Variants in CNTNAP4 observed in about 807,000 individuals in gnomAD.
CNTNAP4 encodes contactin-associated protein-like 4.
In CNTNAP4, 98 loss-of-function variants were observed where a neutral mutation model predicts 148.4. That is an observed-to-expected ratio of 0.66 (90% CI 0.56 to 0.78). The LOEUF is 0.78. CNTNAP4 is among the 30% of genes least tolerant of loss of function. The probability of loss-of-function intolerance (pLI) is 0.00; values close to 1 mark genes in which losing one functional copy is unlikely to be tolerated. For missense variants in CNTNAP4, 1,935 were observed against 1,565.6 expected (o/e 1.24, Z -3.98); for synonymous variants, 730 against 565.1 (o/e 1.29, Z -4.14).
intron 3 of CNTNAP4, among the ~76,000 whole-genome samples, chr16:76,405,553 A>G (rs2078572955): frequency 6.6e-6 from 1 of 152,052 alleles, no homozygotes; most frequent in Non-Finnish European, 1.5e-5. Context: ...TAGAGAAAAG[A>G]AAACTGTAAG....
In CNTNAP4 at chr16:76,277,631, A is replaced by G. The variant is rs373082182; in HGVS notation, c.-32A>G. 6.6e-6 allele frequency: 10 copies of G among 1,521,114 alleles called. No homozygotes were observed. The highest frequency in any genetic ancestry group is 2.4e-5 in the South Asian group (2 of 84,982). 94.2% of individuals were successfully genotyped at this position (1,521,114 alleles called of 1,614,324 possible). A position where few individuals can be genotyped will look rare whatever the true frequency, so the allele number is the denominator to read the frequency against. ...ACTGGAGCGCTCTGAGAGCCTCTCA[A>G]GATCTTTTGGGGGAGCCCAATAAAT... On this transcript the variant is annotated 5_prime_UTR_variant, in exon 1 of 24. Coordinates refer to ENST00000611870, the MANE Select transcript of CNTNAP4 (RefSeq NM_033401.5).
At chr16:76,331,258 G>A (rs62049726) in intron 2 of CNTNAP4, among the ~76,000 whole-genome samples, 38,794 of 151,566 alleles carry the variant, frequency 0.26, 5,786 homozygotes, top group Non-Finnish European at 0.35. Flanking sequence ...CGCGATCTCG[G>A]CTCACTGTAA....
chr16:76,467,293 C>G, intron 9 of CNTNAP4, 59 bp from the exon 10 acceptor site: 11 of 1,455,116 alleles, frequency 7.6e-6, no homozygotes, highest in Non-Finnish European at 1.0e-5. Context: ...ATGAAGTTAT[C>G]TATGATCCTG....
intron 15 of CNTNAP4, among the ~76,000 whole-genome samples, chr16:76,515,114 A>G (rs2083195985): frequency 6.6e-6 from 1 of 152,232 alleles, no homozygotes; most frequent in Non-Finnish European, 1.5e-5. Flanking sequence ...ATGAAATTTT[A>G]CTTTGTGAAA....
At chr16:76,297,938 G>T (rs543838476) in intron 1 of CNTNAP4, among the ~76,000 whole-genome samples, 19 of 152,034 alleles carry the variant, frequency 1.2e-4, no homozygotes, top group Non-Finnish European at 2.8e-4. Context: ...TACTCTTTAT[G>T]TCAAACATAT....
chr16:76,379,272 G>A (rs1025961926), intron 3 of CNTNAP4, among the ~76,000 whole-genome samples: 1 of 152,094 alleles, frequency 6.6e-6, no homozygotes, highest in Admixed American at 6.5e-5. Flanking sequence ...GCATGTCAGG[G>A]AAGTTCATCC....
At chr16:76,344,732 A>G (rs764691749) in intron 2 of CNTNAP4, among the ~76,000 whole-genome samples, 1 of 152,222 alleles carries the variant, frequency 6.6e-6, no homozygotes, top group Non-Finnish European at 1.5e-5. Flanking sequence ...TCCGTGTATG[A>G]TCGTATATGA....
At chr16:76,438,070 A>G (rs2079898441) in intron 4 of CNTNAP4, among the ~76,000 whole-genome samples, 1 of 152,208 alleles carries the variant, frequency 6.6e-6, no homozygotes, top group Non-Finnish European at 1.5e-5. Context: ...ATCCACATTT[A>G]TCTTGCTTTT....
chr16:76,330,551 T>C (rs1341523974), intron 2 of CNTNAP4, among the ~76,000 whole-genome samples: 2 of 152,198 alleles, frequency 1.3e-5, no homozygotes, highest in African/African-American at 2.4e-5. Context: ...GAACAGATAA[T>C]TTGGTAGTTT....
intron 15 of CNTNAP4, among the ~76,000 whole-genome samples, chr16:76,519,514 T>C (rs1035631981): frequency 2.6e-5 from 4 of 152,232 alleles, no homozygotes; most frequent in Admixed American, 2.6e-4. Context: ...TAACATTCCA[T>C]AATGTGAAGC....
chr16:76,484,237 A>C (rs1049473176), intron 12 of CNTNAP4, among the ~76,000 whole-genome samples: 5 of 135,806 alleles, frequency 3.7e-5, no homozygotes, highest in African/African-American at 1.4e-4. Flanking sequence ...TTTTGAAATG[A>C]GGTCAGATGG....
rs35002786 is a variant in CNTNAP4 at position 76,559,406 on chromosome 16, TA to T, written c.*730del. 2.6e-5 allele frequency among the ~76,000 whole-genome samples: 4 copies of T among 151,956 alleles called. No homozygotes were observed. The highest frequency in any genetic ancestry group is 4.4e-5 in the Non-Finnish European group (3 of 67,982). On this transcript the variant is annotated 3_prime_UTR_variant, in exon 24 of 24. Transcript: ENST00000611870. Reference sequence around the variant, plus strand: ...TGTTAGTATGTAATGTCTTTCCTTTTAAAAAAAGTTTTCCAATTAATTTGCT... The same window carrying T: ...TGTTAGTATGTAATGTCTTTCCTTTTAAAAAAGTTTTCCAATTAATTTGCT...
chr16:76,367,862 A>T (rs1043237872), intron 3 of CNTNAP4, among the ~76,000 whole-genome samples: 4 of 152,170 alleles, frequency 2.6e-5, no homozygotes, highest in African/African-American at 9.7e-5. Flanking sequence ...TCTCAGGGAT[A>T]CTTGCCAACT....
At chr16:76,441,442 G>A (rs2135624) in intron 4 of CNTNAP4, among the ~76,000 whole-genome samples, 96,598 of 151,518 alleles carry the variant, frequency 0.64, 32,151 homozygotes, top group African/African-American at 0.84. Flanking sequence ...ATACCTACGG[G>A]CACAGGGAGA....
At chr16:76,387,499 A>G (rs555624133) in intron 3 of CNTNAP4, among the ~76,000 whole-genome samples, 1 of 152,294 alleles carries the variant, frequency 6.6e-6, no homozygotes, top group African/African-American at 2.4e-5. Flanking sequence ...TGCAAGATAA[A>G]TTAGTGCTTT....
intron 22 of CNTNAP4, 24 bp from the exon 23 acceptor site, chr16:76,553,812 C>G: frequency 6.5e-7 from 1 of 1,531,056 alleles, no homozygotes; most frequent in Non-Finnish European, 9.0e-7. Context: ...ATCACCTTCC[C>G]CCTTTGTTGT....
intron 3 of CNTNAP4, among the ~76,000 whole-genome samples, chr16:76,383,879 T>C (rs1022092142): frequency 6.6e-6 from 1 of 152,100 alleles, no homozygotes; most frequent in South Asian, 2.1e-4. Context: ...GGTAGATGTG[T>C]GTGAGTTTTA....
intron 2 of CNTNAP4, among the ~76,000 whole-genome samples, chr16:76,354,722 A>G (rs1007838609): frequency 6.6e-6 from 1 of 152,130 alleles, no homozygotes; most frequent in African/African-American, 2.4e-5. Context: ...GAGTTGTGTT[A>G]TTTTCTCCTG....
chr16:76,364,536 A>G (rs1017139105), intron 3 of CNTNAP4, among the ~76,000 whole-genome samples: 11 of 152,106 alleles, frequency 7.2e-5, no homozygotes, highest in Non-Finnish European at 1.2e-4. Flanking sequence ...TGACAATTCA[A>G]TGACAACATC....
Sources: gnomAD v4.1 joint callset for allele counts (sites outside exome capture counted in the v4.1 genomes callset) on GRCh38, gnomAD v4.1.1 for gene constraint, MANE v1.5 for transcripts, NCBI Gene and HGNC (gene_info 2026-07-23, HGNC 2026-07-21) for gene names.